The following MEIKIN variants were observed in gnomAD, a reference collection of about 807,000 sequenced individuals.
MEIKIN encodes the protein meiosis-specific kinetochore protein.
intron 12 of MEIKIN, among the ~76,000 whole-genome samples, chr5:131,813,381 G>T (rs1773037714): frequency 6.6e-6 from 1 of 151,732 alleles, no homozygotes; most frequent in East Asian, 1.9e-4. Context: ...AGTGCACCCG[G>T]TTGTGTGCTT....
At chr5:131,922,195 A>G (rs1356866003) in intron 5 of MEIKIN, among the ~76,000 whole-genome samples, 1 of 152,228 alleles carries the variant, frequency 6.6e-6, no homozygotes, top group Non-Finnish European at 1.5e-5. Context: ...AGAGACAGGT[A>G]GCACACATGT....
chr5:131,873,063 A>G (rs538137713), intron 9 of MEIKIN, among the ~76,000 whole-genome samples: 5 of 152,302 alleles, frequency 3.3e-5, no homozygotes, highest in East Asian at 1.9e-4. Context: ...TGTAAAGACC[A>G]TCAAGGCTAG....
intron 11 of MEIKIN, among the ~76,000 whole-genome samples, chr5:131,821,950 G>A (rs1376972746): frequency 6.6e-6 from 1 of 151,912 alleles, no homozygotes; most frequent in Non-Finnish European, 1.5e-5. Flanking sequence ...ACTAATATTT[G>A]CTTTATATAT....
intron 9 of MEIKIN, among the ~76,000 whole-genome samples, chr5:131,863,824 G>A (rs2149620793): frequency 6.6e-6 from 1 of 152,076 alleles, no homozygotes; most frequent in Admixed American, 6.5e-5. Flanking sequence ...CGTCTCATGA[G>A]ATCTGATGGT....
intron 5 of MEIKIN, among the ~76,000 whole-genome samples, chr5:131,928,724 G>C (rs1751632874): frequency 6.6e-6 from 1 of 151,868 alleles, no homozygotes; most frequent in South Asian, 2.1e-4. Flanking sequence ...CATTACTATT[G>C]TAATAGTATA....
chr5:131,853,213 A>G (rs1197336574), intron 10 of MEIKIN, among the ~76,000 whole-genome samples: 1 of 152,224 alleles, frequency 6.6e-6, no homozygotes, highest in East Asian at 1.9e-4. Context: ...ACTGCACTAT[A>G]AAAGCTAAAA....
chr5:131,809,920 T>C (rs1772921156), intron 12 of MEIKIN, among the ~76,000 whole-genome samples: 1 of 152,112 alleles, frequency 6.6e-6, no homozygotes, highest in African/African-American at 2.4e-5. Flanking sequence ...CAAATAATTA[T>C]TGCATAATGA....
rs927394440 is a variant in MEIKIN, at chr5:131,911,822, T to C, written c.696A>G (p.Ser232=). The C allele has an allele frequency of 2.5e-6, 1 of 397,780 alleles. No individual in the cohort carries two copies. The allele number at this position is 397,780 out of a possible 1,614,324, so 24.6% of individuals were successfully genotyped here. A position where few individuals can be genotyped will look rare whatever the true frequency, so the allele number is the denominator to read the frequency against. ...VSPKAKCASN[S]ESDNAACEIL... is the part of the protein sequence containing the mutation. The stretch of plus-strand genomic sequence containing the variant: ...AGTTTCATTATTTGTTACCTGATTC[T>C]GAATTTGAAGCACACTTTGCTTTTG... Residue 232 remains serine (S), a synonymous_variant, in exon 8 of 13, where the codon TCA becomes TCG. Coordinates refer to ENST00000442687, the MANE Select transcript of MEIKIN (RefSeq NM_001303622.2).
chr5:131,945,103 G>T (rs1751939329), intron 2 of MEIKIN, 53 bp downstream of exon 2: 1 of 398,990 alleles, frequency 2.5e-6, no homozygotes, highest in African/African-American at 2.1e-5. Context: ...AATTCGGCTT[G>T]AAGTTTTCTG....
chr5:131,929,474 C>T (rs1259142997), intron 5 of MEIKIN, among the ~76,000 whole-genome samples: 4 of 152,240 alleles, frequency 2.6e-5, no homozygotes, highest in South Asian at 4.2e-4. Context: ...AGGATTTCTT[C>T]AATCTTTTCA....
At chr5:131,878,891 A>C (rs913141264) in intron 9 of MEIKIN, 87 bp downstream of exon 9, 20 of 388,200 alleles carry the variant, frequency 5.2e-5, no homozygotes, top group African/African-American at 2.7e-4. Context: ...AAAAAAAAAA[A>C]AGTAAATTTA....
At chr5:131,833,904 TTCC>T in intron 11 of MEIKIN, among the ~76,000 whole-genome samples, 1 of 152,236 alleles carries the variant, frequency 6.6e-6, no homozygotes, top group East Asian at 1.9e-4. Flanking sequence ...ATGTTTATCT[TTCC>T]TTTGTTTCTA....
intron 8 of MEIKIN, among the ~76,000 whole-genome samples, chr5:131,889,020 T>C (rs1386204688): frequency 6.6e-6 from 1 of 152,238 alleles, no homozygotes; most frequent in Admixed American, 6.5e-5. Context: ...CAGATAGTTG[T>C]AGATAAGTGG....
intron 11 of MEIKIN, among the ~76,000 whole-genome samples, chr5:131,827,678 C>A (rs1208389820): frequency 1.3e-5 from 2 of 152,002 alleles, no homozygotes; most frequent in Non-Finnish European, 2.9e-5. Context: ...GCATAACAAT[C>A]ATAAACATGC....
chr5:131,885,236 T>A (rs1309618152), intron 8 of MEIKIN, among the ~76,000 whole-genome samples: 1 of 152,006 alleles, frequency 6.6e-6, no homozygotes, highest in Non-Finnish European at 1.5e-5. Context: ...GACCCAGTGC[T>A]GTGCTGGCTT....
chr5:131,923,196 T>C (rs1224562070), intron 5 of MEIKIN, among the ~76,000 whole-genome samples: 1 of 152,154 alleles, frequency 6.6e-6, no homozygotes, highest in Non-Finnish European at 1.5e-5. Context: ...TCCCTCTATA[T>C]TTTTAAATCT....
chr5:131,890,208 G>A (rs1469696490), intron 8 of MEIKIN, among the ~76,000 whole-genome samples: 1 of 152,178 alleles, frequency 6.6e-6, no homozygotes, highest in Non-Finnish European at 1.5e-5. Flanking sequence ...GATGATGCTG[G>A]CCTCATAAAA....
chr5:131,808,215 C>T (rs1381631941), intron 12 of MEIKIN, among the ~76,000 whole-genome samples: 6 of 152,240 alleles, frequency 3.9e-5, no homozygotes, highest in African/African-American at 1.4e-4. Flanking sequence ...TCAGACACTG[C>T]TCGCTCATTA....
chr5:131,907,729 G>T (rs1035914064), intron 8 of MEIKIN, among the ~76,000 whole-genome samples: 1 of 151,526 alleles, frequency 6.6e-6, no homozygotes, highest in Non-Finnish European at 1.5e-5. Context: ...AAAATTAGCC[G>T]GGCGTGGTGG....
Sources: gnomAD v4.1 joint callset for allele counts (sites outside exome capture counted in the v4.1 genomes callset) on GRCh38, gnomAD v4.1.1 for gene constraint, MANE v1.5 for transcripts, NCBI Gene and HGNC (gene_info 2026-07-23, HGNC 2026-07-21) for gene names.